MACROD2: variants seen among roughly 807,000 people sequenced by gnomAD.
MACROD2 encodes ADP-ribose glycohydrolase MACROD2.
Under a neutral mutation model 70.4 loss-of-function variants are expected in MACROD2, and 36 were observed. The ratio of observed to expected loss-of-function variants is 0.51; its 90% CI spans 0.39 to 0.68. The LOEUF is 0.68. Ranked by LOEUF, MACROD2 falls within the 30% of genes least tolerant of loss-of-function variation. The pLI is 0.00. For missense variants in MACROD2, 496 were observed against 538.4 expected (o/e 0.92, Z 0.78); for synonymous variants, 172 against 178.8 (o/e 0.96, Z 0.30).
At chr20:14,421,077 G>C (rs911933423) in intron 3 of MACROD2, among the ~76,000 whole-genome samples, 1 of 152,278 alleles carries the variant, frequency 6.6e-6, no homozygotes, top group Non-Finnish European at 1.5e-5. Context: ...CTTGGTAATG[G>C]TGTATAATCC....
At chr20:15,581,812 G>A (rs2048528362) in intron 8 of MACROD2, among the ~76,000 whole-genome samples, 1 of 152,046 alleles carries the variant, frequency 6.6e-6, no homozygotes, top group South Asian at 2.1e-4. Context: ...GTGAGTATTG[G>A]AAAAACAGCA....
chr20:15,844,011 A>G (rs182557361), intron 8 of MACROD2, among the ~76,000 whole-genome samples: 16 of 150,684 alleles, frequency 1.1e-4, no homozygotes, highest in African/African-American at 3.2e-4. Flanking sequence ...CTTACAACCC[A>G]CCTCACTGTA....
intron 5 of MACROD2, among the ~76,000 whole-genome samples, chr20:14,765,712 T>C (rs1291903240): frequency 6.6e-6 from 1 of 152,084 alleles, no homozygotes; most frequent in Non-Finnish European, 1.5e-5. Flanking sequence ...ATAAAATCTT[T>C]AAAATAAATC....
intron 5 of MACROD2, among the ~76,000 whole-genome samples, chr20:14,795,174 G>A (rs1165002308): frequency 6.6e-6 from 1 of 152,042 alleles, no homozygotes; most frequent in Non-Finnish European, 1.5e-5. Context: ...TAAACAGTTG[G>A]GATTTTATTC....
At chr20:14,471,014 C>T (rs1280438535) in intron 3 of MACROD2, among the ~76,000 whole-genome samples, 1 of 152,156 alleles carries the variant, frequency 6.6e-6, no homozygotes, top group Admixed American at 6.5e-5. Context: ...CCCAAAAGGC[C>T]GCCCAGTTTT....
chr20:14,728,395 A>G (rs1042718207), intron 5 of MACROD2, among the ~76,000 whole-genome samples: 2 of 152,034 alleles, frequency 1.3e-5, no homozygotes, highest in African/African-American at 4.8e-5. Context: ...TATTTTCTTT[A>G]TTCTTCTCAT....
intron 3 of MACROD2, among the ~76,000 whole-genome samples, chr20:14,262,908 G>T (rs1272861149): frequency 6.6e-6 from 1 of 152,168 alleles, no homozygotes; most frequent in African/African-American, 2.4e-5. Context: ...GAAAATAAAA[G>T]AAAAGAGTGA....
At chr20:14,720,743 G>A (rs571710835) in intron 5 of MACROD2, among the ~76,000 whole-genome samples, 9 of 150,932 alleles carry the variant, frequency 6.0e-5, no homozygotes, top group East Asian at 5.9e-4. Context: ...TAGTAGAGAC[G>A]GGGTTTCACC....
In MACROD2 at chr20:15,082,545, T is replaced by TC. The variant is rs1345246060; in HGVS notation, c.419-147395_419-147394insC. 6.9e-5 allele frequency among the ~76,000 whole-genome samples: 10 copies of TC among 144,042 alleles called. No individual in the cohort carries two copies. The East Asian group carries it at 1.1e-3, about 15-fold the overall frequency. The allele number at this position is 144,042 out of a possible 152,430, so 94.5% of individuals were successfully genotyped here. On this transcript the variant is annotated intron_variant, in intron 5 of 17. Coordinates refer to ENST00000684519, the MANE Select transcript of MACROD2 (RefSeq NM_001351661.2). ...GAGGTTTTTTTTTTTTTTTTTTTTT[T>TC]TCCTAAGCTGAAGATAGAACTGTTT...
intron 5 of MACROD2, among the ~76,000 whole-genome samples, chr20:14,993,248 G>A (rs566089634): frequency 6.7e-6 from 1 of 150,142 alleles, no homozygotes; most frequent in African/African-American, 2.4e-5. Flanking sequence ...GCAACCAGAT[G>A]TTATCTGCTA....
chr20:14,781,909 A>G (rs1193527805), intron 5 of MACROD2, among the ~76,000 whole-genome samples: 2 of 151,536 alleles, frequency 1.3e-5, no homozygotes, highest in African/African-American at 4.9e-5. Flanking sequence ...GTGGGCTAAA[A>G]TTTCTTTTTC....
chr20:14,423,999 T>C (rs1048447390), intron 3 of MACROD2, among the ~76,000 whole-genome samples: 3 of 151,704 alleles, frequency 2.0e-5, no homozygotes, highest in Admixed American at 6.6e-5. Flanking sequence ...CGACCTCAGG[T>C]GATCCGCCCG....
intron 3 of MACROD2, among the ~76,000 whole-genome samples, chr20:14,373,846 TTTTG>T (rs1319303903): frequency 4.6e-5 from 7 of 152,192 alleles, no homozygotes; most frequent in African/African-American, 7.2e-5. Context: ...ATGCTCCTTG[TTTTG>T]TTTATTATAG....
At chr20:14,399,218 A>G (rs1344170922) in intron 3 of MACROD2, among the ~76,000 whole-genome samples, 1 of 152,100 alleles carries the variant, frequency 6.6e-6, no homozygotes, top group African/African-American at 2.4e-5. Context: ...ACAGGGTTTC[A>G]TCATGTTCGT....
intron 5 of MACROD2, among the ~76,000 whole-genome samples, chr20:14,858,593 T>G (rs1006329765): frequency 1.3e-5 from 2 of 152,070 alleles, no homozygotes; most frequent in African/African-American, 4.8e-5. Flanking sequence ...ACATCCAGAC[T>G]ATAAGATTTT....
chr20:14,168,775 T>A (rs1197875942), intron 3 of MACROD2, among the ~76,000 whole-genome samples: 1 of 152,058 alleles, frequency 6.6e-6, no homozygotes, highest in Non-Finnish European at 1.5e-5. Flanking sequence ...TATCAAACAT[T>A]CAAAGAAGAA....
chr20:15,766,255 G>A (rs6043527), intron 8 of MACROD2, among the ~76,000 whole-genome samples: 5,400 of 152,184 alleles, frequency 0.035, 130 homozygotes, highest in African/African-American at 0.071. Flanking sequence ...ATCATTTAAT[G>A]CTTAGTACTT....
intron 8 of MACROD2, among the ~76,000 whole-genome samples, chr20:15,745,859 C>T (rs2146971426): frequency 6.6e-6 from 1 of 152,116 alleles, no homozygotes; most frequent in South Asian, 2.1e-4. Context: ...TATTAAAGAC[C>T]TATATATGTG....
At chr20:15,666,479 G>T (rs1300619123) in intron 8 of MACROD2, among the ~76,000 whole-genome samples, 1 of 152,066 alleles carries the variant, frequency 6.6e-6, no homozygotes, top group African/African-American at 2.4e-5. Context: ...GAATTCTGAT[G>T]CCAAATGTTA....
Sources: gnomAD v4.1 joint callset for allele counts (sites outside exome capture counted in the v4.1 genomes callset) on GRCh38, gnomAD v4.1.1 for gene constraint, MANE v1.5 for transcripts, NCBI Gene and HGNC (gene_info 2026-07-23, HGNC 2026-07-21) for gene names.